Variants in PPARGC1A observed in about 807,000 individuals in gnomAD.
PPARGC1A encodes the protein PPARG coactivator 1 alpha.
Under a neutral mutation model 88.7 loss-of-function variants are expected in PPARGC1A, and 25 were observed. That is an observed-to-expected ratio of 0.28 (90% CI 0.21 to 0.39). The LOEUF is 0.39. Among genes scored for constraint, PPARGC1A ranks in the 10% least tolerant of loss-of-function variants. The probability of loss-of-function intolerance (pLI) is 1.00; values close to 1 mark genes in which losing one functional copy is unlikely to be tolerated. For missense variants in PPARGC1A, 880 were observed against 968.7 expected, an observed-to-expected ratio of 0.91 and a Z score of 1.22; for synonymous variants, 363 against 355.6, an observed-to-expected ratio of 1.02 and a Z score of -0.24.
At chr4:23,799,149 T>G (rs1320000734) in intron 12 of PPARGC1A, among the ~76,000 whole-genome samples, 1 of 152,196 alleles carries the variant, frequency 6.6e-6, no homozygotes, top group African/African-American at 2.4e-5. Context: ...TCTTATGCCC[T>G]GAAATGTGCA....
At chr4:24,327,348 C>T in the PPARGC1A span, among the ~76,000 whole-genome samples, 1 of 152,192 alleles carries the variant, frequency 6.6e-6, no homozygotes, top group Non-Finnish European at 1.5e-5. Context: ...CTTGTTTACA[C>T]TGTTTCTCCA....
chr4:24,427,922 G>A, the PPARGC1A span, among the ~76,000 whole-genome samples: 1 of 152,024 alleles, frequency 6.6e-6, no homozygotes, highest in Non-Finnish European at 1.5e-5. Context: ...ACCAGCCTGG[G>A]TCACATAGCA....
chr4:23,982,209 T>C, the PPARGC1A span, among the ~76,000 whole-genome samples: 39 of 151,288 alleles, frequency 2.6e-4, no homozygotes, highest in South Asian at 7.8e-3. Context: ...GCAAAGATCT[T>C]CAAAATAATA....
the PPARGC1A span, among the ~76,000 whole-genome samples, chr4:24,365,319 A>C: frequency 6.6e-6 from 1 of 152,212 alleles, no homozygotes; most frequent in Admixed American, 6.5e-5. Flanking sequence ...AAAAGTTAAC[A>C]TCCAAAATCA....
chr4:24,189,814 T>C, the PPARGC1A span, among the ~76,000 whole-genome samples: 1 of 152,130 alleles, frequency 6.6e-6, no homozygotes, highest in East Asian at 1.9e-4. Context: ...CTGCCTACTA[T>C]GCTCCACAGT....
chr4:24,220,832 C>T, the PPARGC1A span, among the ~76,000 whole-genome samples: 8,256 of 152,130 alleles, frequency 0.054, 320 homozygotes, highest in Middle Eastern at 0.075. Context: ...CACAATATAC[C>T]CATTTAACAA....
chr4:24,349,923 G>A, the PPARGC1A span, among the ~76,000 whole-genome samples: 3 of 152,190 alleles, frequency 2.0e-5, no homozygotes, highest in Admixed American at 6.5e-5. Context: ...ATGGATCCCT[G>A]TGGTGCCAGG....
At chr4:24,005,507 C>T in the PPARGC1A span, among the ~76,000 whole-genome samples, 5 of 152,148 alleles carry the variant, frequency 3.3e-5, no homozygotes, top group Admixed American at 3.3e-4. Flanking sequence ...GAGACAATCC[C>T]TACAGATCCT....
the PPARGC1A span, among the ~76,000 whole-genome samples, chr4:23,938,424 A>C: frequency 1.3e-5 from 2 of 152,314 alleles, no homozygotes; most frequent in East Asian, 3.9e-4. Flanking sequence ...AATACATGTC[A>C]TATGTTATTC....
chr4:24,389,291 C>A, the PPARGC1A span, among the ~76,000 whole-genome samples: 20 of 152,110 alleles, frequency 1.3e-4, no homozygotes, highest in Admixed American at 1.0e-3. Context: ...AACTGAACTT[C>A]TTAGCACCTA....
the PPARGC1A span, among the ~76,000 whole-genome samples, chr4:24,249,788 A>C: frequency 6.6e-6 from 1 of 152,184 alleles, no homozygotes; most frequent in Non-Finnish European, 1.5e-5. Context: ...AAACTATACT[A>C]CGTCCCTAAG....
chr4:24,462,485 T>G, the PPARGC1A span, among the ~76,000 whole-genome samples: 1 of 152,068 alleles, frequency 6.6e-6, no homozygotes, highest in Admixed American at 6.6e-5. Flanking sequence ...AGTTAAAACA[T>G]GGGCTCAGAC....
intron 2 of PPARGC1A, among the ~76,000 whole-genome samples, chr4:23,882,505 A>G (rs1716142134): frequency 6.6e-6 from 1 of 152,064 alleles, no homozygotes; most frequent in Non-Finnish European, 1.5e-5. Flanking sequence ...TCTAGTCTCT[A>G]CTCAATAAAT....
the PPARGC1A span, among the ~76,000 whole-genome samples, chr4:24,126,419 C>T: frequency 1.3e-5 from 2 of 152,156 alleles, no homozygotes; most frequent in Non-Finnish European, 2.9e-5. Flanking sequence ...AGATCCTTGG[C>T]TTTGAATGAG....
chr4:24,444,094 G>A, the PPARGC1A span, among the ~76,000 whole-genome samples: 1 of 151,858 alleles, frequency 6.6e-6, no homozygotes, highest in Non-Finnish European at 1.5e-5. Context: ...CTGGAGTGCA[G>A]TGACACAATA....
chr4:23,858,569 G>C (rs1420916301), intron 2 of PPARGC1A, among the ~76,000 whole-genome samples: 1 of 152,180 alleles, frequency 6.6e-6, no homozygotes, highest in Non-Finnish European at 1.5e-5. Flanking sequence ...CAGGGAATTT[G>C]GGCAAGCCCC....
chr4:24,134,714 T>G, the PPARGC1A span, among the ~76,000 whole-genome samples: 1 of 152,250 alleles, frequency 6.6e-6, no homozygotes, highest in South Asian at 2.1e-4. Context: ...TTTCTTGCAA[T>G]GAATATAATT....
chr4:24,169,498 T>C, the PPARGC1A span, among the ~76,000 whole-genome samples: 1 of 152,048 alleles, frequency 6.6e-6, no homozygotes, highest in Admixed American at 6.6e-5. Flanking sequence ...GCAGGGCAGG[T>C]GGGAACTCTA....
At chr4:24,120,285 C>G in the PPARGC1A span, among the ~76,000 whole-genome samples, 1 of 152,118 alleles carries the variant, frequency 6.6e-6, no homozygotes, top group Non-Finnish European at 1.5e-5. Context: ...CAGACACCAC[C>G]ATCTGGTTCC....
Sources: allele counts gnomAD v4.1 joint callset (sites outside exome capture counted in the v4.1 genomes callset), GRCh38; gene constraint gnomAD v4.1.1; transcripts MANE v1.5; gene names NCBI Gene and HGNC (gene_info 2026-07-23, HGNC 2026-07-21).